Variants in LHFPL3 observed in about 807,000 individuals in gnomAD.
LHFPL3 encodes the protein LHFPL tetraspan subfamily member 3 protein.
In LHFPL3, 5 loss-of-function variants were observed where a neutral mutation model predicts 19.3. That is an observed-to-expected ratio of 0.26 (90% confidence interval 0.14 to 0.54). The LOEUF (loss-of-function observed/expected upper bound fraction) is 0.54, where lower values mean the gene tolerates loss of function less well. Ranked by LOEUF, LHFPL3 falls within the 20% of genes least tolerant of loss-of-function variation. The probability of loss-of-function intolerance (pLI) is 0.94; values close to 1 mark genes in which losing one functional copy is unlikely to be tolerated. For missense variants in LHFPL3, 249 were observed against 307.4 expected (o/e 0.81, Z 1.42); for synonymous variants, 133 against 126.2 (o/e 1.05, Z -0.36).
At chr7:104,473,570 T>G (rs981722459) in intron 1 of LHFPL3, among the ~76,000 whole-genome samples, 1 of 152,226 alleles carries the variant, frequency 6.6e-6, no homozygotes, top group African/African-American at 2.4e-5. Flanking sequence ...AAATTTGGGC[T>G]CTGGGAGTCA....
intron 1 of LHFPL3, among the ~76,000 whole-genome samples, chr7:104,613,699 C>G (rs751302593): frequency 2.0e-5 from 3 of 152,170 alleles, no homozygotes; most frequent in Admixed American, 6.5e-5. Flanking sequence ...CTCCAACCAA[C>G]CTGCCCTTCC....
chr7:104,401,640 A>C (rs12705209), intron 1 of LHFPL3, among the ~76,000 whole-genome samples: 52,455 of 152,116 alleles, frequency 0.34, 9,392 homozygotes, highest in Admixed American at 0.49. Context: ...CAGAAATTCA[A>C]TTTGAGAAAA....
At chr7:104,824,069 C>A (rs1790731356) in intron 2 of LHFPL3, among the ~76,000 whole-genome samples, 2 of 134,974 alleles carry the variant, frequency 1.5e-5, no homozygotes, top group South Asian at 4.7e-4. Flanking sequence ...TCACTTGAAC[C>A]CGGGAGGCAG....
chr7:104,737,978 G>C lies in LHFPL3; in HGVS notation c.682+1067G>C, dbSNP rs2116307230. Among the ~76,000 whole-genome samples, 3 of 92,502 alleles carry C rather than the reference G, an allele frequency of 3.2e-5. No individual in the cohort carries two copies. The Middle Eastern group carries it at 0.017, about 532-fold the overall frequency. 60.7% of individuals were successfully genotyped at this position (92,502 alleles called of 152,430 possible). ...CAGGCTTTATATCTAGACCATCACT[G>C]TTTATGCGGGTAAACTGTTTATGCG... is the stretch of plus-strand genomic sequence containing the variant. On this transcript the variant is annotated intron_variant, in intron 2 of 2. Coordinates refer to ENST00000424859, the MANE Select transcript of LHFPL3 (RefSeq NM_199000.3).
chr7:104,679,580 T>C (rs529563380), intron 1 of LHFPL3, among the ~76,000 whole-genome samples: 6 of 152,228 alleles, frequency 3.9e-5, no homozygotes, highest in Non-Finnish European at 8.8e-5. Flanking sequence ...TGTAGCCAAA[T>C]GAAAGAAGGC....
At chr7:104,468,990 A>G (rs942727104) in intron 1 of LHFPL3, among the ~76,000 whole-genome samples, 26 of 152,036 alleles carry the variant, frequency 1.7e-4, no homozygotes, top group African/African-American at 5.8e-4. Context: ...TTAACCATTG[A>G]GGTGCTTTAT....
At chr7:104,816,986 A>G (rs1790568513) in intron 2 of LHFPL3, among the ~76,000 whole-genome samples, 1 of 152,142 alleles carries the variant, frequency 6.6e-6, no homozygotes, top group African/African-American at 2.4e-5. Flanking sequence ...TCTTCCAGTC[A>G]TTCTGGGGCT....
At chr7:104,856,541 C>G (rs1791510355) in intron 2 of LHFPL3, among the ~76,000 whole-genome samples, 1 of 152,184 alleles carries the variant, frequency 6.6e-6, no homozygotes, top group Non-Finnish European at 1.5e-5. Context: ...AGCCACTGAG[C>G]CCGGCCAACT....
chr7:104,682,153 G>A (rs1362212781), intron 1 of LHFPL3, among the ~76,000 whole-genome samples: 1 of 152,132 alleles, frequency 6.6e-6, no homozygotes, highest in Non-Finnish European at 1.5e-5. Context: ...TCCTGGGAGG[G>A]CTAATGTTTT....
At chr7:104,469,924 G>A (rs188025625) in intron 1 of LHFPL3, 4 of 439,482 alleles carry the variant, frequency 9.1e-6, no homozygotes, top group African/African-American at 6.0e-5. Context: ...CATTCCCTCT[G>A]AGCACAGTTA....
At chr7:104,394,333 TA>T (rs1411178719) in intron 1 of LHFPL3, among the ~76,000 whole-genome samples, 2 of 152,128 alleles carry the variant, frequency 1.3e-5, no homozygotes, top group African/African-American at 4.8e-5. Flanking sequence ...CAGACTGGAG[TA>T]AAAAGGTCTG....
At chr7:104,403,901 T>C (rs114892264) in intron 1 of LHFPL3, among the ~76,000 whole-genome samples, 2,412 of 152,354 alleles carry the variant, frequency 0.016, 60 homozygotes, top group African/African-American at 0.055. Context: ...AGGAGTGTTA[T>C]ATTTTTAAAT....
chr7:104,795,466 T>A (rs770690352), intron 2 of LHFPL3, among the ~76,000 whole-genome samples: 1 of 152,214 alleles, frequency 6.6e-6, no homozygotes, highest in Non-Finnish European at 1.5e-5. Context: ...TCTAACAGTT[T>A]GTATGCCTCA....
chr7:104,845,430 G>A (rs1421970391), intron 2 of LHFPL3: 9 of 1,535,928 alleles, frequency 5.9e-6, no homozygotes, highest in Non-Finnish European at 7.8e-6. Context: ...ACCACACCAT[G>A]TAAGTGTGAG....
At chr7:104,896,144 T>C (rs1482842736) in intron 2 of LHFPL3, 1 of 152,254 alleles carries the variant, frequency 6.6e-6, no homozygotes, top group Non-Finnish European at 1.5e-5. Context: ...TTAAAGGCGC[T>C]ATCTCCAAAT....
At chr7:104,589,749 T>C (rs1392718389) in intron 1 of LHFPL3, among the ~76,000 whole-genome samples, 1 of 152,158 alleles carries the variant, frequency 6.6e-6, no homozygotes, top group African/African-American at 2.4e-5. Context: ...TCCTGGACTT[T>C]TTTTGGTTAG....
chr7:104,501,279 T>G (rs1481864205), intron 1 of LHFPL3, among the ~76,000 whole-genome samples: 2 of 152,230 alleles, frequency 1.3e-5, no homozygotes. Context: ...ATTTTAATGC[T>G]GCTTTCCTTT....
At chr7:104,370,650 A>T (rs950211241) in intron 1 of LHFPL3, among the ~76,000 whole-genome samples, 1 of 152,208 alleles carries the variant, frequency 6.6e-6, no homozygotes, top group South Asian at 2.1e-4. Context: ...TGGGTGGCCA[A>T]TGCTGGTGGA....
intron 2 of LHFPL3, among the ~76,000 whole-genome samples, chr7:104,817,181 G>A (rs1462983803): frequency 6.6e-6 from 1 of 152,222 alleles, no homozygotes; most frequent in Non-Finnish European, 1.5e-5. Flanking sequence ...TACGTTGCCA[G>A]TCTTCGTTAT....
Sources: allele counts gnomAD v4.1 joint callset (sites outside exome capture counted in the v4.1 genomes callset), GRCh38; gene constraint gnomAD v4.1.1; transcripts MANE v1.5; gene names NCBI Gene and HGNC (gene_info 2026-07-23, HGNC 2026-07-21).